Variants in NUP153 observed in about 807,000 individuals in gnomAD.
The protein encoded by NUP153 is nuclear pore complex protein Nup153.
A neutral mutation model predicts 134.6 loss-of-function variants in NUP153; 27 were observed. That is an observed-to-expected ratio of 0.20 (90% CI 0.15 to 0.28). The LOEUF is 0.28. Among genes scored for constraint, NUP153 ranks in the 10% least tolerant of loss-of-function variants. The pLI, the probability that NUP153 is intolerant of heterozygous loss-of-function variation, is 1.00. For synonymous variants in NUP153, 640 were observed against 623.5 expected (o/e 1.03, Z -0.40); for missense variants, 1,821 against 1,731.3 (o/e 1.05, Z -0.92).
At chr6:17,653,956 G>C (rs946830422) in intron 11 of NUP153, among the ~76,000 whole-genome samples, 2 of 152,130 alleles carry the variant, frequency 1.3e-5, no homozygotes, top group Admixed American at 6.5e-5. Flanking sequence ...TGACGTATTT[G>C]GGGGTGAAGT....
chr6:17,692,478 C>A (rs73724608), intron 1 of NUP153, among the ~76,000 whole-genome samples: 1,873 of 152,154 alleles, frequency 0.012, 39 homozygotes, highest in African/African-American at 0.042. Flanking sequence ...TGTACCACTG[C>A]GCTCCTGCCT....
chr6:17,651,081 T>C lies in NUP153; in HGVS notation c.1396-1781A>G, dbSNP rs191467526. Among the ~76,000 whole-genome samples, 348 of 152,184 alleles carry C rather than the reference T, an allele frequency of 2.3e-3. 6 individuals carry two copies. The highest frequency in any genetic ancestry group is 0.021 in the Admixed American group (320 of 15,294). On this transcript the variant is annotated intron_variant, in intron 11 of 21. Transcript: ENST00000262077. ...CTTTGGGAGGCCAAGGCAGGACAGC[T>C]TGAGGCCAAGAGTTCGAGACCAGTC...
intron 8 of NUP153, among the ~76,000 whole-genome samples, chr6:17,667,664 C>T (rs7760829): frequency 1.2e-4 from 18 of 152,010 alleles, no homozygotes; most frequent in South Asian, 6.2e-4. Flanking sequence ...CAGTGAGCTG[C>T]GACTGTGCCA....
In NUP153 at chr6:17,628,297, T is replaced by C. The variant is rs1044704733; in HGVS notation, c.3544+358A>G. Among the ~76,000 whole-genome samples the C allele has an allele frequency of 4.6e-5, 7 of 152,156 alleles. No individual in the cohort carries two copies. Among genetic ancestry groups the C allele is most frequent in the Non-Finnish European group, 7.3e-5 (5 of 68,034 alleles). ...TGTAAATAAAGGCCTTCCCATAGAT[T>C]ATGGTAGAAAATACTTCATAAGCTA... On this transcript the variant is annotated intron_variant, in intron 18 of 21. Transcript: ENST00000262077. This position sits in a 1 kb window ranked among gnomAD's most constrained non-coding sequence, Gnocchi z 5.4.
intron 2 of NUP153, among the ~76,000 whole-genome samples, chr6:17,681,836 A>C (rs898581126): frequency 2.0e-5 from 3 of 152,168 alleles, no homozygotes; most frequent in African/African-American, 7.2e-5. Flanking sequence ...CTATAGGAGA[A>C]AAGTGATAGG....
chr6:17,674,827 C>A, intron 5 of NUP153, 78 bp downstream of exon 5: 3 of 1,121,708 alleles, frequency 2.7e-6, no homozygotes, highest in South Asian at 4.3e-5. Context: ...TTTTTTTGAG[C>A]ACAAAGTAAT....
At position 17,624,746 on chromosome 6, in the gene NUP153, C is replaced by T. The variant is rs1009376501; in HGVS notation, c.3989G>A (p.Ser1330Asn). ...GANQTPTFGQ[S>N]QGASQPNPPG... is the part of the protein sequence containing the mutation. ...GGGATTGGGCTGGCTGGCACCTTGA[C>T]TTTGTCCAAATGTTGGGGTCTGGTT... The change falls in exon 20 of 22, where the codon AGT becomes AAT. Residue 1330 changes from serine (S) to asparagine (N), a missense_variant. Ser to Asn is a conservative substitution (Grantham distance 46). Coordinates refer to ENST00000262077, the MANE Select transcript of NUP153 (RefSeq NM_005124.4). The T allele has an allele frequency of 6.2e-6, 10 of 1,614,036 alleles. No homozygotes were observed. The highest frequency in any genetic ancestry group is 3.3e-5 in the Admixed American group (2 of 59,990).
At position 17,615,350 on chromosome 6, in the gene NUP153, A is replaced by AGGG. The variant is rs1191292141; in HGVS notation, c.*746_*747insCCC. ...AATCTGAGACAAGACTAAACAAACA[A>AGGG]CAAAAAAATCTCTAACACAAAATTC... On this transcript the variant is annotated 3_prime_UTR_variant, in exon 22 of 22. Coordinates refer to ENST00000262077, the MANE Select transcript of NUP153 (RefSeq NM_005124.4). The surrounding 1 kb of genome is among the most constrained non-coding windows in gnomAD (Gnocchi z 5.7). The AGGG allele has an allele frequency of 1.3e-5, 2 of 152,638 alleles. No individual in the cohort carries two copies. Among genetic ancestry groups the AGGG allele is most frequent in the African/African-American group, 4.8e-5 (2 of 41,440 alleles). 9.5% of individuals were successfully genotyped at this position (152,638 alleles called of 1,614,324 possible).
At chr6:17,697,667 G>A (rs555967476) in intron 1 of NUP153, among the ~76,000 whole-genome samples, 5 of 152,176 alleles carry the variant, frequency 3.3e-5, no homozygotes, top group Admixed American at 2.6e-4. Flanking sequence ...CAGCCTGGGC[G>A]ACTGAGCGAG....
intron 2 of NUP153, among the ~76,000 whole-genome samples, chr6:17,682,172 T>C (rs6930231): frequency 0.21 from 31,999 of 152,060 alleles, 3,860 homozygotes; most frequent in Non-Finnish European, 0.27. Flanking sequence ...ACAAAAGTTA[T>C]GTTTACACTA....
At chr6:17,698,412 C>T (rs1225614357) in intron 1 of NUP153, among the ~76,000 whole-genome samples, 3 of 151,994 alleles carry the variant, frequency 2.0e-5, no homozygotes, top group African/African-American at 2.4e-5. Flanking sequence ...GGGAATATGG[C>T]GAAACCCTGT....
intron 2 of NUP153, among the ~76,000 whole-genome samples, chr6:17,681,401 A>AT (rs35211137): frequency 0.88 from 133,411 of 151,984 alleles, 58,694 homozygotes; most frequent in East Asian, 0.95. Flanking sequence ...CCTGGCTAAC[A>AT]GGTGAAACCC....
intron 17 of NUP153, among the ~76,000 whole-genome samples, chr6:17,631,204 G>C (rs1452812518): frequency 6.6e-6 from 1 of 151,956 alleles, no homozygotes; most frequent in East Asian, 1.9e-4. Flanking sequence ...ACCTACCAGA[G>C]GCAAGTATTA....
Position 17,688,730 on chromosome 6 carries a change from G to A in NUP153, c.112-112C>T, listed in dbSNP as rs192483203. ...AAACACAATGGTGTCCAACAAGTTT[G>A]CCAAAATTCAGTTACTACAGTTACT... On this transcript the variant is annotated intron_variant, in intron 1 of 21. Coordinates refer to ENST00000262077, the MANE Select transcript of NUP153 (RefSeq NM_005124.4). 45 of 763,608 alleles carry A rather than the reference G, an allele frequency of 5.9e-5. No homozygotes were observed. The Admixed American group carries it at 1.2e-3, about 20-fold the overall frequency. 47.3% of individuals were successfully genotyped at this position (763,608 alleles called of 1,614,324 possible). A position where few individuals can be genotyped will look rare whatever the true frequency, so the allele number is the denominator to read the frequency against.
At chr6:17,626,795 G>A (rs1764972675) in intron 18 of NUP153, among the ~76,000 whole-genome samples, 2 of 152,152 alleles carry the variant, frequency 1.3e-5, no homozygotes, top group South Asian at 4.1e-4. Flanking sequence ...CTTTCCATGT[G>A]AATTTTAGAA....
At position 17,616,646 on chromosome 6, in the gene NUP153, G is replaced by C; in HGVS notation, c.4224C>G (p.Asn1408Lys). The C allele has an allele frequency of 6.2e-7, 1 of 1,613,882 alleles. No homozygotes were observed. The change falls in exon 21 of 22, where the codon AAC becomes AAG. Residue 1408 changes from asparagine to lysine, a missense_variant. Physicochemically the swap from Asn to Lys is moderately conservative, Grantham distance 94. Transcript: ENST00000262077. ...GSSTTNFNFTNNSPSGVFTFG... is the reference protein window; with the variant it reads ...GSSTTNFNFTKNSPSGVFTFG... Reference sequence around the variant, plus strand: ...ATGTGAACACTCCTGATGGACTGTTGTTTGTGAAGTTGAAATTTGTAGTGC... The same window carrying C: ...ATGTGAACACTCCTGATGGACTGTTCTTTGTGAAGTTGAAATTTGTAGTGC...
chr6:17,645,530 T>C (rs1202095454), intron 14 of NUP153, among the ~76,000 whole-genome samples: 3 of 151,380 alleles, frequency 2.0e-5, no homozygotes, highest in African/African-American at 7.3e-5. Context: ...CTTGAGCTTC[T>C]GGCCTCAAGC....
At chr6:17,670,427 CT>C (rs1232712827) in intron 5 of NUP153, among the ~76,000 whole-genome samples, 1 of 152,032 alleles carries the variant, frequency 6.6e-6, no homozygotes, top group South Asian at 2.1e-4. Flanking sequence ...GTTGTGGTGG[CT>C]TTTTTTGTAT....
chr6:17,672,958 C>G (rs1768002997), intron 5 of NUP153, among the ~76,000 whole-genome samples: 2 of 152,068 alleles, frequency 1.3e-5, no homozygotes, highest in African/African-American at 4.8e-5. Context: ...AAACATAAGA[C>G]AAAATCTTTG....
Sources: allele counts gnomAD v4.1 joint callset (sites outside exome capture counted in the v4.1 genomes callset), GRCh38; gene constraint gnomAD v4.1.1; non-coding constraint Gnocchi (gnomAD v3.1); transcripts MANE v1.5; gene names NCBI Gene and HGNC (gene_info 2026-07-23, HGNC 2026-07-21).